The following AAK1 variants were observed in gnomAD, a reference collection of about 807,000 sequenced individuals.
AAK1 encodes the protein AP2-associated protein kinase 1.
In AAK1, 37 loss-of-function variants were observed where a neutral mutation model predicts 116.0. The observed-to-expected ratio is 0.32, with a 90% CI of 0.25 to 0.42. AAK1 has a LOEUF of 0.42. AAK1 is among the 10% of genes least tolerant of loss of function. AAK1 has a pLI of 1.00. For synonymous variants in AAK1, 458 were observed against 439.9 expected, an observed-to-expected ratio of 1.04 and a Z score of -0.51; for missense variants, 919 against 1,170.6, an observed-to-expected ratio of 0.79 and a Z score of 3.14.
intron 5 of AAK1, 37 bp downstream of exon 5, chr2:69,542,486 G>C: frequency 6.2e-7 from 1 of 1,611,714 alleles, no homozygotes; most frequent in Non-Finnish European, 8.5e-7. Flanking sequence ...AGAAAATATT[G>C]AGTAGAATGC....
At chr2:69,490,923 C>CACACACACA (rs1675495565) in intron 17 of AAK1, among the ~76,000 whole-genome samples, 4 of 147,732 alleles carry the variant, frequency 2.7e-5, no homozygotes, top group East Asian at 4.0e-4. Context: ...GTGTGTGTAC[C>CACACACACA]CACACACACA....
chr2:69,596,087 C>A (rs1350378105), intron 2 of AAK1, among the ~76,000 whole-genome samples: 1 of 152,176 alleles, frequency 6.6e-6, no homozygotes, highest in Non-Finnish European at 1.5e-5. Flanking sequence ...AAATTCGTTG[C>A]AAAATATTAC....
At chr2:69,620,674 A>G (rs1214193286) in intron 2 of AAK1, among the ~76,000 whole-genome samples, 7 of 152,202 alleles carry the variant, frequency 4.6e-5, no homozygotes, top group African/African-American at 1.2e-4. Flanking sequence ...GTTGGATCCC[A>G]TGTCTGCGAG....
intron 2 of AAK1, among the ~76,000 whole-genome samples, chr2:69,619,592 A>G (rs553116529): frequency 2.6e-5 from 4 of 152,302 alleles, no homozygotes; most frequent in African/African-American, 9.6e-5. Context: ...ACAAACAAGC[A>G]CGTTATATAG....
Position 69,611,682 on chromosome 2 carries a change from G to A in AAK1, c.163+31196C>T, listed in dbSNP as rs556601626. 3.9e-3 allele frequency among the ~76,000 whole-genome samples: 595 copies of A among 152,250 alleles called. 4 individuals are homozygous for A. The highest frequency in any genetic ancestry group is 0.014 in the African/African-American group (561 of 41,534). On this transcript the variant is annotated intron_variant, in intron 2 of 21. Transcript: ENST00000409085. ...AGAACAGAATGCAGGGTCTTGAAGA[G>A]AGATACGTATACCCATGTTCACAGC...
chr2:69,510,068 A>T (rs1676333085), intron 13 of AAK1, among the ~76,000 whole-genome samples: 1 of 152,174 alleles, frequency 6.6e-6, no homozygotes, highest in East Asian at 1.9e-4. Context: ...GTTCGGGGGT[A>T]CATGTGCAGG....
Position 69,519,088 on chromosome 2 carries a change from C to T in AAK1, c.1363G>A (p.Ala455Thr), listed in dbSNP as rs755981927. The stretch of plus-strand genomic sequence containing the variant: ...TGCTGGGGTGTGGCCTGGGCCTGAG[C>T]GGGCAGACCCTGGGCCTGAGTAGAA... ...TPSTQAQGLPAQAQATPQHQQ... is the reference protein window; with the variant it reads ...TPSTQAQGLPTQAQATPQHQQ... The change falls in exon 12 of 22, where the codon GCT (alanine) becomes ACT (threonine). Residue 455 changes from alanine (A) to threonine (T), a missense_variant. Transcript: ENST00000409085. The T allele has an allele frequency of 8.4e-6, 13 of 1,551,882 alleles. No homozygotes were observed. Among genetic ancestry groups the T allele is most frequent in the Middle Eastern group, 1.7e-4 (1 of 5,920 alleles).
intron 2 of AAK1, among the ~76,000 whole-genome samples, chr2:69,590,280 A>G (rs1672974727): frequency 6.6e-6 from 1 of 152,128 alleles, no homozygotes; most frequent in South Asian, 2.1e-4. Flanking sequence ...TAAACCACCC[A>G]CTTTTCGTTG....
intron 2 of AAK1, among the ~76,000 whole-genome samples, chr2:69,591,517 C>CT (rs200675453): frequency 0.021 from 2,872 of 134,734 alleles, 173 homozygotes; most frequent in African/African-American, 0.075. Flanking sequence ...TTCTTTTTTT[C>CT]TTTTTCTTTT....
intron 5 of AAK1, among the ~76,000 whole-genome samples, chr2:69,541,359 T>C (rs1018598037): frequency 1.3e-5 from 2 of 151,592 alleles, no homozygotes; most frequent in South Asian, 4.2e-4. Flanking sequence ...GCCTCCTGAG[T>C]ACCTGGGACT....
In AAK1 at chr2:69,579,538, G is replaced by C. The variant is rs534356758; in HGVS notation, c.164-22560C>G. 1.5e-3 allele frequency among the ~76,000 whole-genome samples: 222 copies of C among 152,298 alleles called. 2 individuals are homozygous for C. Among genetic ancestry groups the C allele is most frequent in the Non-Finnish European group, 2.3e-3 (155 of 68,016 alleles). ...AGGTTGAAGTGAGCTGAGAAGCTGA[G>C]ACTGTGCCACTGCACTCCAGCCTCA... On this transcript the variant is annotated intron_variant, in intron 2 of 21. Transcript: ENST00000409085.
chr2:69,555,560 C>T (rs528206392), intron 3 of AAK1, among the ~76,000 whole-genome samples: 2 of 152,282 alleles, frequency 1.3e-5, no homozygotes, highest in South Asian at 4.1e-4. Flanking sequence ...CATTAAAATC[C>T]AGGGCATAAA....
At chr2:69,611,860 C>G (rs189814675) in intron 2 of AAK1, among the ~76,000 whole-genome samples, 1 of 152,312 alleles carries the variant, frequency 6.6e-6, no homozygotes, top group East Asian at 1.9e-4. Flanking sequence ...TGGATGAACT[C>G]TGAAGACATT....
In AAK1 at chr2:69,465,850, A is replaced by G. The variant is rs1674468131; in HGVS notation, c.*10019T>C. ...GCTGTGGAATACTGAGCTTGGACAG[A>G]GGTGTACACAGCTCTCTCACGGCCC... On this transcript the variant is annotated 3_prime_UTR_variant, in exon 22 of 22. Transcript: ENST00000409085. The G allele has an allele frequency of 7.7e-7, 1 of 1,290,756 alleles. No individual in the cohort carries two copies. Among genetic ancestry groups the G allele is most frequent in the African/African-American group, 1.5e-5 (1 of 65,800 alleles). 80.0% of individuals were successfully genotyped at this position (1,290,756 alleles called of 1,614,324 possible).
Position 69,626,092 on chromosome 2 carries a change from G to A in AAK1, c.163+16786C>T, listed in dbSNP as rs1040593972. Among the ~76,000 whole-genome samples the A allele has an allele frequency of 2.6e-5, 4 of 152,152 alleles. No homozygotes were observed. The East Asian group carries it at 5.8e-4, about 22-fold the overall frequency. On this transcript the variant is annotated intron_variant, in intron 2 of 21. Coordinates refer to ENST00000409085, the MANE Select transcript of AAK1 (RefSeq NM_014911.5). ...GTCCAAGGTTATCTCTGTTACTTGA[G>A]TTCACGACCTCACCCATGACCTCCC...
intron 2 of AAK1, among the ~76,000 whole-genome samples, chr2:69,628,644 A>T (rs1297190079): frequency 6.6e-6 from 1 of 152,220 alleles, no homozygotes; most frequent in Non-Finnish European, 1.5e-5. Flanking sequence ...CTGGGTGAGT[A>T]GACAGCCACT....
intron 19 of AAK1, among the ~76,000 whole-genome samples, chr2:69,480,575 C>T (rs957268157): frequency 6.6e-6 from 1 of 152,058 alleles, no homozygotes; most frequent in African/African-American, 2.4e-5. Flanking sequence ...ATAGAGGGAT[C>T]CCACCACCAG....
intron 2 of AAK1, among the ~76,000 whole-genome samples, chr2:69,617,887 T>C (rs1027400732): frequency 1.3e-5 from 2 of 152,192 alleles, no homozygotes; most frequent in Non-Finnish European, 2.9e-5. Flanking sequence ...AACTCAAAGA[T>C]TAGGCTTTTT....
chr2:69,639,449 A>T (rs1573035179), intron 2 of AAK1, among the ~76,000 whole-genome samples: 1 of 152,182 alleles, frequency 6.6e-6, no homozygotes, highest in African/African-American at 2.4e-5. Context: ...TCTCCCTGGC[A>T]CCCAGCCTAG....
Sources: gnomAD v4.1 joint callset for allele counts (sites outside exome capture counted in the v4.1 genomes callset) on GRCh38, gnomAD v4.1.1 for gene constraint, MANE v1.5 for transcripts, NCBI Gene and HGNC (gene_info 2026-07-23, HGNC 2026-07-21) for gene names.